The following BACH2 variants were observed in gnomAD, a reference collection of about 807,000 sequenced individuals.
The protein encoded by BACH2 is BACH transcriptional regulator 2, also known as transcription regulator protein BACH2.
BACH2 carries 5 observed loss-of-function variants against 61.8 expected under a neutral mutation model. The ratio of observed to expected loss-of-function variants is 0.08; its 90% CI spans 0.04 to 0.17. The LOEUF (loss-of-function observed/expected upper bound fraction) is 0.17, where lower values mean the gene tolerates loss of function less well. Among genes scored for constraint, BACH2 ranks in the 10% least tolerant of loss-of-function variants. The probability of loss-of-function intolerance (pLI) is 1.00; values close to 1 mark genes in which losing one functional copy is unlikely to be tolerated. For synonymous variants in BACH2, 446 were observed against 440.1 expected, an observed-to-expected ratio of 1.01 and a Z score of -0.17; for missense variants, 824 against 1,091.1, an observed-to-expected ratio of 0.76 and a Z score of 3.45.
intron 6 of BACH2, among the ~76,000 whole-genome samples, chr6:89,967,631 C>A (rs1444580131): frequency 6.6e-6 from 1 of 152,196 alleles, no homozygotes; most frequent in Non-Finnish European, 1.5e-5. Context: ...CTCAACTAAG[C>A]TAGCAGGTGT....
intron 5 of BACH2, among the ~76,000 whole-genome samples, chr6:90,051,298 A>AT (rs1423315510): frequency 6.6e-6 from 1 of 152,208 alleles, no homozygotes; most frequent in East Asian, 1.9e-4. Flanking sequence ...TATTGATCTT[A>AT]TATCCAGTCA....
At chr6:90,181,258 T>G (rs950452644) in intron 4 of BACH2, among the ~76,000 whole-genome samples, 10 of 152,154 alleles carry the variant, frequency 6.6e-5, no homozygotes, top group Admixed American at 5.9e-4. Flanking sequence ...GCATTAACAC[T>G]TTGAGAACAC....
At chr6:90,232,910 G>C (rs1400563109) in intron 3 of BACH2, among the ~76,000 whole-genome samples, 1 of 152,106 alleles carries the variant, frequency 6.6e-6, no homozygotes, top group African/African-American at 2.4e-5. Context: ...TTAGTGGGGA[G>C]TATCTCTGAG....
intron 4 of BACH2, among the ~76,000 whole-genome samples, chr6:90,096,775 C>T (rs1026402891): frequency 1.3e-4 from 20 of 152,226 alleles, no homozygotes; most frequent in Non-Finnish European, 2.4e-4. Context: ...GCCCTCTTCT[C>T]CTGCTGCACC....
At chr6:89,966,032 G>A (rs1191844888) in intron 6 of BACH2, among the ~76,000 whole-genome samples, 2 of 152,184 alleles carry the variant, frequency 1.3e-5, no homozygotes, top group African/African-American at 4.8e-5. Context: ...TTCTGAAGAT[G>A]TATGTATCAG....
intron 6 of BACH2, among the ~76,000 whole-genome samples, chr6:89,984,774 T>C (rs1776147060): frequency 6.6e-6 from 1 of 152,214 alleles, no homozygotes; most frequent in South Asian, 2.1e-4. Flanking sequence ...TTTCTCTAAT[T>C]GCAACTCATT....
rs180879557 is a variant in BACH2, at chr6:89,966,881, G to C, written c.244-15019C>G. 3.1e-3 allele frequency among the ~76,000 whole-genome samples: 470 copies of C among 152,274 alleles called. 2 individuals carry two copies. The highest frequency in any genetic ancestry group is 3.4e-3 in the Middle Eastern group (1 of 294). Reference sequence around the variant, plus strand: ...AGGGTCCTATTTATTTTTAATTTTTGTAGAGTTAGGGGTCTCACTCTGTTG... The same window carrying C: ...AGGGTCCTATTTATTTTTAATTTTTCTAGAGTTAGGGGTCTCACTCTGTTG... On this transcript the variant is annotated intron_variant, in intron 6 of 8. Transcript: ENST00000257749.
intron 4 of BACH2, among the ~76,000 whole-genome samples, chr6:90,096,006 C>T (rs1250416115): frequency 6.6e-6 from 1 of 152,174 alleles, no homozygotes; most frequent in Admixed American, 6.5e-5. Context: ...TCCTGTACAA[C>T]ACTGCCTTCC....
At chr6:90,266,541 T>C (rs1017180629) in intron 2 of BACH2, among the ~76,000 whole-genome samples, 1 of 152,184 alleles carries the variant, frequency 6.6e-6, no homozygotes, top group African/African-American at 2.4e-5. Context: ...TTATTGTATA[T>C]TGTAGCATAC....
At chr6:90,041,057 C>T (rs554694897) in intron 5 of BACH2, among the ~76,000 whole-genome samples, 1 of 152,254 alleles carries the variant, frequency 6.6e-6, no homozygotes, top group East Asian at 1.9e-4. Flanking sequence ...TTTTACACTT[C>T]TACTTTCTTT....
chr6:89,983,891 G>T (rs1776094400), intron 6 of BACH2, among the ~76,000 whole-genome samples: 1 of 152,174 alleles, frequency 6.6e-6, no homozygotes, highest in African/African-American at 2.4e-5. Flanking sequence ...TACAGTTATA[G>T]GGGATAACAC....
chr6:90,029,419 A>G (rs1434410120), intron 5 of BACH2, among the ~76,000 whole-genome samples: 1 of 152,130 alleles, frequency 6.6e-6, no homozygotes, highest in Non-Finnish European at 1.5e-5. Context: ...CAGACATCAC[A>G]TTCTCAGTGA....
chr6:90,090,601 A>C (rs960106876), intron 4 of BACH2, among the ~76,000 whole-genome samples: 2 of 152,172 alleles, frequency 1.3e-5, no homozygotes, highest in Admixed American at 1.3e-4. Flanking sequence ...GCTGTTTTTG[A>C]CATAGCAAGA....
chr6:90,200,713 G>A (rs1178655114), intron 4 of BACH2, among the ~76,000 whole-genome samples: 1 of 152,120 alleles, frequency 6.6e-6, no homozygotes, highest in Non-Finnish European at 1.5e-5. Flanking sequence ...AAGAAAGAAA[G>A]GTGTCCTATG....
At chr6:90,087,342 G>A (rs1781974784) in intron 5 of BACH2, among the ~76,000 whole-genome samples, 1 of 152,100 alleles carries the variant, frequency 6.6e-6, no homozygotes, top group South Asian at 2.1e-4. Context: ...TTTCTCAAAT[G>A]TTTCCTGGAC....
chr6:90,151,655 G>T (rs1168809962), intron 4 of BACH2, among the ~76,000 whole-genome samples: 3 of 152,194 alleles, frequency 2.0e-5, no homozygotes, highest in African/African-American at 7.2e-5. Context: ...AGATCTGTAA[G>T]GGTAGGAACT....
chr6:89,986,125 C>G (rs1422553767), intron 6 of BACH2, among the ~76,000 whole-genome samples: 1 of 152,090 alleles, frequency 6.6e-6, no homozygotes, highest in East Asian at 1.9e-4. Context: ...AACTCAGCCC[C>G]CTGCCTGTGG....
At chr6:89,938,076 CA>C in intron 8 of BACH2, 67 bp downstream of exon 8, 1 of 1,473,754 alleles carries the variant, frequency 6.8e-7, no homozygotes, top group Non-Finnish European at 9.4e-7. Flanking sequence ...TTCCAACTTT[CA>C]TTGCTGTTAC....
chr6:90,144,443 G>A (rs1040086549), intron 4 of BACH2, among the ~76,000 whole-genome samples: 5 of 152,170 alleles, frequency 3.3e-5, no homozygotes, highest in African/African-American at 1.2e-4. Flanking sequence ...GGAAGAGACA[G>A]AGCATTATCC....
Sources: allele counts gnomAD v4.1 joint callset (sites outside exome capture counted in the v4.1 genomes callset), GRCh38; gene constraint gnomAD v4.1.1; transcripts MANE v1.5; gene names NCBI Gene and HGNC (gene_info 2026-07-23, HGNC 2026-07-21).